The following LINGO2 variants were observed in gnomAD, a reference collection of about 807,000 sequenced individuals.
LINGO2 encodes leucine-rich repeat and immunoglobulin-like domain-containing nogo receptor-interacting protein 2.
Under a neutral mutation model 30.6 loss-of-function variants are expected in LINGO2, and 14 were observed. The observed-to-expected ratio is 0.46, with a 90% CI of 0.30 to 0.72. The LOEUF (loss-of-function observed/expected upper bound fraction) is 0.72. Ranked by LOEUF, LINGO2 falls within the 30% of genes least tolerant of loss-of-function variation. The probability of loss-of-function intolerance (pLI) is 0.07; values close to 1 mark genes in which losing one functional copy is unlikely to be tolerated. For missense variants in LINGO2, 729 were observed against 751.7 expected, an observed-to-expected ratio of 0.97 and a Z score of 0.35; for synonymous variants, 317 against 288.5, an observed-to-expected ratio of 1.10 and a Z score of -1.00.
chr9:29,171,963 A>G, the LINGO2 span, among the ~76,000 whole-genome samples: 1 of 152,016 alleles, frequency 6.6e-6, no homozygotes, highest in Non-Finnish European at 1.5e-5. Context: ...AGTATAAGCA[A>G]GCTCATTTTC....
the LINGO2 span, among the ~76,000 whole-genome samples, chr9:28,837,649 A>AATATAT: frequency 0.17 from 12,694 of 75,498 alleles, 2,590 homozygotes; most frequent in Middle Eastern, 0.22. Flanking sequence ...CTCCGTCTAA[A>AATATAT]ATATATATAT....
chr9:28,496,681 G>T (rs1402094994), intron 1 of LINGO2, among the ~76,000 whole-genome samples: 1 of 152,118 alleles, frequency 6.6e-6, no homozygotes, highest in African/African-American at 2.4e-5. Flanking sequence ...ATTGTTATGT[G>T]TGAATTTGAT....
the LINGO2 span, among the ~76,000 whole-genome samples, chr9:28,873,838 T>C: frequency 6.6e-6 from 1 of 151,990 alleles, no homozygotes; most frequent in Non-Finnish European, 1.5e-5. Context: ...AAGAGCATAA[T>C]GTAAATACCT....
chr9:29,168,109 A>G, the LINGO2 span, among the ~76,000 whole-genome samples: 1 of 152,158 alleles, frequency 6.6e-6, no homozygotes, highest in African/African-American at 2.4e-5. Context: ...AACTAGGAAT[A>G]GAAAGACCTG....
intron 3 of LINGO2, among the ~76,000 whole-genome samples, chr9:28,335,025 T>A (rs1033881386): frequency 3.3e-5 from 5 of 152,140 alleles, no homozygotes; most frequent in Non-Finnish European, 7.4e-5. Context: ...AGAAATGTGA[T>A]GTTTCTTGCC....
intron 1 of LINGO2, among the ~76,000 whole-genome samples, chr9:28,631,997 T>C (rs747226993): frequency 2.9e-4 from 44 of 152,046 alleles, no homozygotes; most frequent in Non-Finnish European, 6.0e-4. Context: ...GGTAAACAGA[T>C]TTAGTTAGAG....
intron 4 of LINGO2, among the ~76,000 whole-genome samples, chr9:28,288,271 A>C (rs996004298): frequency 6.6e-6 from 1 of 152,154 alleles, no homozygotes; most frequent in Admixed American, 6.5e-5. Context: ...TCCATTCCTC[A>C]AACATAACGT....
intron 3 of LINGO2, among the ~76,000 whole-genome samples, chr9:28,357,323 C>CCT (rs1217298224): frequency 6.9e-6 from 1 of 145,124 alleles, no homozygotes; most frequent in African/African-American, 2.5e-5. Flanking sequence ...AAGCCCACCC[C>CCT]CCCCAAAAAA....
At chr9:28,200,863 T>A (rs1435817827) in intron 4 of LINGO2, among the ~76,000 whole-genome samples, 2 of 152,252 alleles carry the variant, frequency 1.3e-5, no homozygotes, top group Admixed American at 6.5e-5. Flanking sequence ...AAACAGTGGA[T>A]CCCTTTATAT....
intron 1 of LINGO2, among the ~76,000 whole-genome samples, chr9:28,631,243 T>C (rs1188279979): frequency 6.6e-6 from 1 of 151,908 alleles, no homozygotes; most frequent in African/African-American, 2.4e-5. Context: ...ATGTGCCATG[T>C]TGGTGTGCTG....
At chr9:28,895,560 C>CT in the LINGO2 span, among the ~76,000 whole-genome samples, 2 of 152,072 alleles carry the variant, frequency 1.3e-5, no homozygotes, top group Non-Finnish European at 2.9e-5. Context: ...CCTTTAAAAC[C>CT]TTTGTCTTCC....
chr9:27,953,759 T>C (rs1468285950), intron 5 of LINGO2, among the ~76,000 whole-genome samples: 3 of 152,160 alleles, frequency 2.0e-5, no homozygotes, highest in African/African-American at 7.2e-5. Context: ...TCTTTATAAA[T>C]CACCCAGTCT....
At position 27,950,273 on chromosome 9, in the gene LINGO2, C is replaced by G. The variant is rs1190795793; in HGVS notation, c.399G>C (p.Lys133Asn). The change falls in exon 6 of 6, where the codon AAG becomes AAC. Residue 133 changes from lysine (K) to asparagine (N), a missense_variant. By Grantham distance (94) the Lys-to-Asn change is moderately conservative. Coordinates refer to ENST00000379992, the Ensembl canonical transcript of LINGO2. ...CAATCTTATTCTCACTAATGTCAAG[C>G]TTAGTGAGATTGGACAGCCCCGTGA... The G allele has an allele frequency of 6.2e-7, 1 of 1,613,772 alleles. No individual in the cohort carries two copies. Among genetic ancestry groups the G allele is most frequent in the African/African-American group, 1.3e-5 (1 of 74,894 alleles).
chr9:28,836,688 G>C, the LINGO2 span, among the ~76,000 whole-genome samples: 21 of 151,978 alleles, frequency 1.4e-4, no homozygotes, highest in African/African-American at 4.1e-4. Flanking sequence ...TTCAAGATTT[G>C]TCATGTGATA....
At chr9:28,349,104 A>G (rs935306592) in intron 3 of LINGO2, among the ~76,000 whole-genome samples, 4 of 152,322 alleles carry the variant, frequency 2.6e-5, no homozygotes, top group Non-Finnish European at 4.4e-5. Flanking sequence ...CTCCTCCTCC[A>G]AAGGAATGCA....
chr9:28,044,508 G>C (rs901269672), intron 4 of LINGO2, among the ~76,000 whole-genome samples: 4 of 152,164 alleles, frequency 2.6e-5, no homozygotes, highest in Non-Finnish European at 4.4e-5. Flanking sequence ...TGGAGCAACA[G>C]CATGGGTTGC....
chr9:28,793,561 C>A, the LINGO2 span, among the ~76,000 whole-genome samples: 2 of 152,234 alleles, frequency 1.3e-5, no homozygotes, highest in Admixed American at 6.5e-5. Context: ...AATGGTAGAG[C>A]CTTATGGTTT....
chr9:28,527,126 G>C (rs1173222499), intron 1 of LINGO2, among the ~76,000 whole-genome samples: 1 of 152,116 alleles, frequency 6.6e-6, no homozygotes, highest in African/African-American at 2.4e-5. Context: ...GCTATCAAAA[G>C]AACGTGGAGA....
chr9:28,995,342 A>G, the LINGO2 span, among the ~76,000 whole-genome samples: 2 of 152,210 alleles, frequency 1.3e-5, no homozygotes, highest in Non-Finnish European at 2.9e-5. Context: ...ACCAGTTACA[A>G]TGGTGATCAT....
Sources: gnomAD v4.1 joint callset for allele counts (sites outside exome capture counted in the v4.1 genomes callset) on GRCh38, gnomAD v4.1.1 for gene constraint, MANE v1.5 for transcripts, NCBI Gene and HGNC (gene_info 2026-07-23, HGNC 2026-07-21) for gene names.